PTPRM: variants seen among roughly 807,000 people sequenced by gnomAD.
PTPRM encodes the protein protein tyrosine phosphatase receptor type M, also known as receptor-type tyrosine-protein phosphatase mu.
PTPRM carries 47 observed loss-of-function variants against 186.7 expected under a neutral mutation model. The ratio of observed to expected loss-of-function variants is 0.25; its 90% confidence interval spans 0.20 to 0.32. The LOEUF (loss-of-function observed/expected upper bound fraction) is 0.32, where lower values mean the gene tolerates loss of function less well. PTPRM is among the 10% of genes least tolerant of loss of function. The pLI is 1.00. For synonymous variants in PTPRM, 668 were observed against 674.9 expected, an observed-to-expected ratio of 0.99 and a Z score of 0.16; for missense variants, 1,494 against 1,865.0, an observed-to-expected ratio of 0.80 and a Z score of 3.66.
intron 2 of PTPRM, among the ~76,000 whole-genome samples, chr18:7,879,027 C>G (rs2048371339): frequency 6.6e-6 from 1 of 152,192 alleles, no homozygotes; most frequent in Non-Finnish European, 1.5e-5. Flanking sequence ...GTTTGCTTTA[C>G]TCAGTGTTTG....
chr18:7,683,071 T>G (rs561607367), intron 1 of PTPRM, among the ~76,000 whole-genome samples: 1 of 152,150 alleles, frequency 6.6e-6, no homozygotes, highest in South Asian at 2.1e-4. Flanking sequence ...TGTCTCTGAG[T>G]AATCAATGAG....
At chr18:7,918,218 T>C (rs1223600568) in intron 4 of PTPRM, among the ~76,000 whole-genome samples, 5 of 152,296 alleles carry the variant, frequency 3.3e-5, no homozygotes, top group Non-Finnish European at 2.9e-5. Context: ...AGATATCTTT[T>C]TGATATATTG....
chr18:8,285,166 A>G (rs1029698848), intron 19 of PTPRM, among the ~76,000 whole-genome samples: 2 of 152,248 alleles, frequency 1.3e-5, no homozygotes. Context: ...TATGCAAGCC[A>G]ACATGGTTTT....
intron 14 of PTPRM, among the ~76,000 whole-genome samples, chr18:8,237,525 T>C (rs2094360643): frequency 7.0e-6 from 1 of 141,890 alleles, no homozygotes; most frequent in South Asian, 2.4e-4. Context: ...CTCAGCTCAC[T>C]GCAACCTCAA....
chr18:8,243,612 G>T (rs1245523708), intron 14 of PTPRM, among the ~76,000 whole-genome samples: 1 of 152,126 alleles, frequency 6.6e-6, no homozygotes, highest in Non-Finnish European at 1.5e-5. Flanking sequence ...AGATTCATCT[G>T]TTATTTCATT....
At chr18:7,582,261 G>A (rs2036865215) in intron 1 of PTPRM, among the ~76,000 whole-genome samples, 1 of 152,176 alleles carries the variant, frequency 6.6e-6, no homozygotes, top group African/African-American at 2.4e-5. Context: ...TATACTTTGT[G>A]TATATGTGTC....
At chr18:7,772,244 T>C (rs982675129) in intron 1 of PTPRM, among the ~76,000 whole-genome samples, 48 of 140,160 alleles carry the variant, frequency 3.4e-4, no homozygotes, top group Admixed American at 2.0e-3. Flanking sequence ...GCTAAGATCT[T>C]TTTTCTTTTC....
At chr18:8,258,247 G>A (rs555719054) in intron 19 of PTPRM, among the ~76,000 whole-genome samples, 2 of 152,326 alleles carry the variant, frequency 1.3e-5, no homozygotes, top group East Asian at 3.9e-4. Flanking sequence ...TCTGTGCTAA[G>A]CCTCTGGGGG....
intron 19 of PTPRM, among the ~76,000 whole-genome samples, chr18:8,259,518 C>G (rs1261719104): frequency 6.7e-6 from 1 of 148,930 alleles, no homozygotes; most frequent in Non-Finnish European, 1.5e-5. Flanking sequence ...CCCCCGTTTT[C>G]TAAGTAAAAC....
intron 17 of PTPRM, among the ~76,000 whole-genome samples, chr18:8,249,448 G>A (rs561450773): frequency 7.2e-5 from 11 of 152,178 alleles, no homozygotes; most frequent in South Asian, 2.1e-4. Context: ...GAAGAAAATT[G>A]CATTTTATTC....
intron 1 of PTPRM, among the ~76,000 whole-genome samples, chr18:7,739,929 GA>G (rs201555091): frequency 6.6e-6 from 1 of 152,152 alleles, no homozygotes; most frequent in African/African-American, 2.4e-5. Flanking sequence ...GTATTGACGT[GA>G]AAAAATGTCT....
At chr18:7,738,004 G>T (rs1306039019) in intron 1 of PTPRM, among the ~76,000 whole-genome samples, 1 of 152,140 alleles carries the variant, frequency 6.6e-6, no homozygotes, top group African/African-American at 2.4e-5. Context: ...TCTCAAAGAT[G>T]CTTTATCAAT....
chr18:7,803,899 GA>G (rs951197714), intron 2 of PTPRM, among the ~76,000 whole-genome samples: 1 of 151,498 alleles, frequency 6.6e-6, no homozygotes, highest in Non-Finnish European at 1.5e-5. Flanking sequence ...AGATAGTAAA[GA>G]AAAAAAAGAA....
chr18:8,195,710 G>C (rs941446860), intron 14 of PTPRM, among the ~76,000 whole-genome samples: 7 of 152,188 alleles, frequency 4.6e-5, no homozygotes, highest in Admixed American at 4.6e-4. Flanking sequence ...GGCATAGAGG[G>C]TGGAATAATA....
chr18:8,141,953 C>T (rs778194140), intron 13 of PTPRM, among the ~76,000 whole-genome samples: 4 of 152,184 alleles, frequency 2.6e-5, no homozygotes, highest in African/African-American at 4.8e-5. Flanking sequence ...TATCCACATA[C>T]ACATTTTATC....
intron 12 of PTPRM, among the ~76,000 whole-genome samples, chr18:8,114,443 A>T (rs1053767405): frequency 6.6e-6 from 1 of 152,114 alleles, no homozygotes; most frequent in African/African-American, 2.4e-5. Flanking sequence ...AAAGGGGGGA[A>T]ATCTGAGATG....
At chr18:7,938,427 A>G (rs2051963570) in intron 5 of PTPRM, among the ~76,000 whole-genome samples, 1 of 152,212 alleles carries the variant, frequency 6.6e-6, no homozygotes, top group Non-Finnish European at 1.5e-5. Flanking sequence ...TCCCCATACT[A>G]GAGTGCTATA....
At chr18:8,063,480 A>G (rs576156361) in intron 7 of PTPRM, among the ~76,000 whole-genome samples, 1 of 152,128 alleles carries the variant, frequency 6.6e-6, no homozygotes, top group Non-Finnish European at 1.5e-5. Flanking sequence ...TGACACTTCT[A>G]ACCTTATTTT....
chr18:8,319,277 A>C (rs2095330654), intron 22 of PTPRM, 63 bp downstream of exon 22: 1 of 1,177,314 alleles, frequency 8.5e-7, no homozygotes, highest in Admixed American at 2.0e-5. Flanking sequence ...ATCATTTTGT[A>C]CCCACTTCAC....
Sources: allele counts gnomAD v4.1 joint callset (sites outside exome capture counted in the v4.1 genomes callset), GRCh38; gene constraint gnomAD v4.1.1; transcripts MANE v1.5; gene names NCBI Gene and HGNC (gene_info 2026-07-23, HGNC 2026-07-21).